SSU72: variants seen among roughly 807,000 people sequenced by gnomAD.
SSU72 encodes the protein SSU72 homolog, RNA polymerase II CTD phosphatase, also known as RNA polymerase II subunit A C-terminal domain phosphatase SSU72.
A neutral mutation model predicts 22.7 loss-of-function variants in SSU72; 12 were observed. The ratio of observed to expected loss-of-function variants is 0.53; its 90% CI spans 0.34 to 0.86. The LOEUF is 0.86. Among genes scored for constraint, SSU72 ranks in the 40% least tolerant of loss-of-function variants. The pLI, the probability that SSU72 is intolerant of heterozygous loss-of-function variation, is 0.02. For missense variants in SSU72, 151 were observed against 249.8 expected, an observed-to-expected ratio of 0.60 and a Z score of 2.67; for synonymous variants, 116 against 98.3, an observed-to-expected ratio of 1.18 and a Z score of -1.06.
At chr1:1,568,656 G>C (rs1642691314) in intron 1 of SSU72, among the ~76,000 whole-genome samples, 1 of 152,064 alleles carries the variant, frequency 6.6e-6, no homozygotes, top group African/African-American at 2.4e-5. Flanking sequence ...GGGGCATGGT[G>C]GCTCACGCCT....
At chr1:1,568,548 G>A (rs7550471) in intron 1 of SSU72, among the ~76,000 whole-genome samples, 74,348 of 151,986 alleles carry the variant, frequency 0.49, 21,908 homozygotes, top group East Asian at 0.86. Flanking sequence ...AGGTCGCAGT[G>A]GGCCCCGTGA....
At chr1:1,557,808 T>C (rs775245674) in intron 2 of SSU72, among the ~76,000 whole-genome samples, 13 of 151,296 alleles carry the variant, frequency 8.6e-5, no homozygotes, top group Non-Finnish European at 1.3e-4. Flanking sequence ...AAAAAAGAAG[T>C]CTACCACATT....
At chr1:1,564,939 G>A (rs1348149173) in intron 1 of SSU72, 23 bp from the exon 2 acceptor site, 7 of 1,573,102 alleles carry the variant, frequency 4.4e-6, no homozygotes, top group Non-Finnish European at 6.0e-6. Flanking sequence ...AGGAGAGAAA[G>A]AATCACAGTC....
chr1:1,570,352 AG>A (rs1642712817), intron 1 of SSU72, among the ~76,000 whole-genome samples: 1 of 151,928 alleles, frequency 6.6e-6, no homozygotes, highest in Non-Finnish European at 1.5e-5. Context: ...AGGCCAAGCT[AG>A]AAAACCGAGA....
chr1:1,564,679 C>T (rs1401179736), intron 2 of SSU72, 94 bp downstream of exon 2: 4 of 1,614,082 alleles, frequency 2.5e-6, no homozygotes, highest in South Asian at 2.2e-5. Flanking sequence ...GTGTGCACTG[C>T]ACAGGGTGAC....
rs572098170 is a variant in SSU72 at position 1,552,324 on chromosome 1, GCA to G, written c.225-7324_225-7323del. Among the ~76,000 whole-genome samples, 222 of 152,348 alleles carry G rather than the reference GCA, an allele frequency of 1.5e-3. 2 individuals carry two copies. The highest frequency in any genetic ancestry group is 4.9e-3 in the African/African-American group (202 of 41,584). On this transcript the variant is annotated intron_variant, in intron 2 of 4. Transcript: ENST00000291386. Reference sequence around the variant, plus strand: ...AACTGGTACTTACACAAGTGGCTCTGCACAGTTTCTGTGATCGTCCCTGTGCG... The same window carrying G: ...AACTGGTACTTACACAAGTGGCTCTGCAGTTTCTGTGATCGTCCCTGTGCG...
rs1000224402 is a variant in SSU72 at position 1,542,576 on chromosome 1, A to G, written c.484-409T>C. Among the ~76,000 whole-genome samples, 1 of 152,144 alleles carries G rather than the reference A, an allele frequency of 6.6e-6. No individual in the cohort carries two copies. Among genetic ancestry groups the G allele is most frequent in the African/African-American group, 2.4e-5 (1 of 41,448 alleles). On this transcript the variant is annotated intron_variant, in intron 4 of 4. Transcript: ENST00000291386. This position sits in a 1 kb window ranked among gnomAD's most constrained non-coding sequence, Gnocchi z 4.4. The stretch of plus-strand genomic sequence containing the variant: ...CGGAGCATCCTGGCCTCCATCCACC[A>G]GAGCCCCTGGCAGAGGGCCGCTGCC...
At chr1:1,548,509 A>G (rs1642419656) in intron 2 of SSU72, among the ~76,000 whole-genome samples, 1 of 150,188 alleles carries the variant, frequency 6.7e-6, no homozygotes, top group African/African-American at 2.4e-5. Flanking sequence ...AGCTGAGATC[A>G]TGCCACTGCA....
Position 1,542,356 on chromosome 1 carries a change from C to T in SSU72, c.484-189G>A, listed in dbSNP as rs1642332895. ...CAGGGGGAGAGCGTCCCGGGCAGCC[C>T]CCACCTCCCCACCGACCCTCACAGG... On this transcript the variant is annotated intron_variant, in intron 4 of 4. Coordinates refer to ENST00000291386, the MANE Select transcript of SSU72 (RefSeq NM_014188.3). The surrounding 1 kb of genome is among the most constrained non-coding windows in gnomAD (Gnocchi z 4.4). Among the ~76,000 whole-genome samples, 3 of 152,152 alleles carry T rather than the reference C, an allele frequency of 2.0e-5. No individual in the cohort carries two copies. In the South Asian group the frequency reaches 6.2e-4, roughly 32 times the overall value.
At position 1,574,531 on chromosome 1, in the gene SSU72, C is replaced by T; in HGVS notation, c.27G>A (p.Ala9=). 6.3e-7 allele frequency: 1 copy of T among 1,590,082 alleles called. No homozygotes were observed. Among genetic ancestry groups the T allele is most frequent in the Non-Finnish European group, 8.5e-7 (1 of 1,170,826 alleles). ...GGTTCTGGTTGCTCGAGCACACCACCGCCACCCGCAGCGGGGACGACGGCA... is the reference window on the plus strand; with the variant it reads ...GGTTCTGGTTGCTCGAGCACACCACTGCCACCCGCAGCGGGGACGACGGCA... MPSSPLRV[A]VVCSSNQNRS... Residue 9 remains alanine, a synonymous_variant, in exon 1 of 5, where the codon GCG becomes GCA. Coordinates refer to ENST00000291386, the MANE Select transcript of SSU72 (RefSeq NM_014188.3).
rs1028812408 is a variant in SSU72, at chr1:1,574,732, G to A, written c.-175C>T. Reference sequence around the variant, plus strand: ...GCCTCCCCGCCCACCCTGGGCGCCGGGCCGCGGACGGAGCGCAGGCACTGG... The same window carrying A: ...GCCTCCCCGCCCACCCTGGGCGCCGAGCCGCGGACGGAGCGCAGGCACTGG... On this transcript the variant is annotated 5_prime_UTR_variant, in exon 1 of 5. Transcript: ENST00000291386. 6.7e-6 allele frequency: 3 copies of A among 450,804 alleles called. No homozygotes were observed. The East Asian group carries it at 1.4e-4, about 21-fold the overall frequency. The allele number at this position is 450,804 out of a possible 1,614,324, so 27.9% of individuals were successfully genotyped here. A position where few individuals can be genotyped will look rare whatever the true frequency, so the allele number is the denominator to read the frequency against.
chr1:1,568,248 C>T (rs987112411), intron 1 of SSU72, among the ~76,000 whole-genome samples: 4 of 152,162 alleles, frequency 2.6e-5, no homozygotes, highest in African/African-American at 9.7e-5. Context: ...AGGGCCAACG[C>T]CTTTGTAAAC....
chr1:1,573,135 A>C (rs1008041900), intron 1 of SSU72, among the ~76,000 whole-genome samples: 3 of 151,730 alleles, frequency 2.0e-5, no homozygotes, highest in African/African-American at 7.2e-5. Flanking sequence ...CTAAAAATAC[A>C]AAAAAAGCCG....
chr1:1,544,225 G>A (rs930723699), intron 3 of SSU72, among the ~76,000 whole-genome samples: 1 of 152,204 alleles, frequency 6.6e-6, no homozygotes, highest in African/African-American at 2.4e-5. Flanking sequence ...CCACCCACCA[G>A]CCAGTCCTGG....
chr1:1,560,681 G>T (rs1394767291), intron 2 of SSU72, among the ~76,000 whole-genome samples: 1 of 152,176 alleles, frequency 6.6e-6, no homozygotes, highest in African/African-American at 2.4e-5. Context: ...GAAAGTCAAG[G>T]AGATTTTGTA....
At position 1,568,254 on chromosome 1, in the gene SSU72, T is replaced by C. The variant is rs116424941; in HGVS notation, c.81-3338A>G. ...TTCGCCTGAAGGGCCAACGCCTTTGTAAACTAATCTTCCAGACAAGTATTT... is the reference window on the plus strand; with the variant it reads ...TTCGCCTGAAGGGCCAACGCCTTTGCAAACTAATCTTCCAGACAAGTATTT... On this transcript the variant is annotated intron_variant, in intron 1 of 4. Transcript: ENST00000291386. 2.0e-3 allele frequency among the ~76,000 whole-genome samples: 310 copies of C among 152,280 alleles called. 1 individual carries two copies. The highest frequency in any genetic ancestry group is 6.8e-3 in the Middle Eastern group (2 of 294).
In SSU72 at chr1:1,562,701, C is replaced by T. The variant is rs75103473; in HGVS notation, c.224+2072G>A. On this transcript the variant is annotated intron_variant, in intron 2 of 4. Transcript: ENST00000291386. ...ACAGGGACCTCGCACAAAGGCATGT[C>T]GGGAGGGCCTCCTTTCCAAGGCACA... 1,301 of 152,464 alleles carry T rather than the reference C, an allele frequency of 8.5e-3. 10 individuals carry two copies. Among genetic ancestry groups the T allele is most frequent in the Non-Finnish European group, 0.013 (871 of 68,106 alleles). The allele number at this position is 152,464 out of a possible 1,614,324, so 9.4% of individuals were successfully genotyped here.
Position 1,542,983 on chromosome 1 carries a change from A to G in SSU72, c.484-816T>C, listed in dbSNP as rs906485084. 6.6e-6 allele frequency among the ~76,000 whole-genome samples: 1 copy of G among 152,020 alleles called. No homozygotes were observed. Among genetic ancestry groups the G allele is most frequent in the African/African-American group, 2.4e-5 (1 of 41,402 alleles). The stretch of plus-strand genomic sequence containing the variant: ...GCCCGCCTGGCTCCCGGGCTTTCCA[A>G]ACACACCATCTTCTTTCTTGGTGAA... On this transcript the variant is annotated intron_variant, in intron 4 of 4. Coordinates refer to ENST00000291386, the MANE Select transcript of SSU72 (RefSeq NM_014188.3). The surrounding 1 kb of genome is among the most constrained non-coding windows in gnomAD (Gnocchi z 4.4).
Position 1,558,374 on chromosome 1 carries a change from AAAT to A in SSU72, c.224+6396_224+6398del, listed in dbSNP as rs375195052. Among the ~76,000 whole-genome samples the A allele has an allele frequency of 2.2e-3, 337 of 152,130 alleles. 2 individuals are homozygous for A. The highest frequency in any genetic ancestry group is 7.6e-3 in the African/African-American group (317 of 41,484). On this transcript the variant is annotated intron_variant, in intron 2 of 4. Transcript: ENST00000291386. ...CAGAGAGACGCCCTGTCTCAAAACC[AAAT>A]AATAATAATAATCCAAACCCCAAAC...
Sources: allele counts gnomAD v4.1 joint callset (sites outside exome capture counted in the v4.1 genomes callset), GRCh38; gene constraint gnomAD v4.1.1; non-coding constraint Gnocchi (gnomAD v3.1); transcripts MANE v1.5; gene names NCBI Gene and HGNC (gene_info 2026-07-23, HGNC 2026-07-21).